DIMT1: variants seen among roughly 807,000 people sequenced by gnomAD.
DIMT1 encodes the protein dimethyladenosine transferase.
In DIMT1, 36 loss-of-function variants were observed where a neutral mutation model predicts 43.2. The observed-to-expected ratio is 0.83, with a 90% CI of 0.64 to 1.10. DIMT1 has a LOEUF of 1.10. Among genes scored for constraint, DIMT1 ranks in the 50% least tolerant of loss-of-function variants. DIMT1 has a pLI of 0.00. For synonymous variants in DIMT1, 126 were observed against 130.3 expected (o/e 0.97, Z 0.22); for missense variants, 341 against 385.3 (o/e 0.88, Z 0.96).
intron 6 of DIMT1, chr5:62,398,283 A>C (rs1580127560): frequency 4.0e-6 from 2 of 497,564 alleles, no homozygotes; most frequent in African/African-American, 3.9e-5. Flanking sequence ...AACGGCAGGA[A>C]GATTCAAAAA....
rs985855515 is a variant in DIMT1 at position 62,400,698 on chromosome 5, A to T, written c.240+1338T>A. ...AGCTCCTGGCCCTACTTCTATATAGACCCTGTTTACATGGTAAACAATGTG... is the reference window on the plus strand; with the variant it reads ...AGCTCCTGGCCCTACTTCTATATAGTCCCTGTTTACATGGTAAACAATGTG... On this transcript the variant is annotated intron_variant, in intron 3 of 11. Transcript: ENST00000199320. Among the ~76,000 whole-genome samples the T allele has an allele frequency of 1.3e-5, 2 of 151,540 alleles. 1 individual carries two copies. Among genetic ancestry groups the T allele is most frequent in the African/African-American group, 4.9e-5 (2 of 41,168 alleles).
intron 9 of DIMT1, 114 bp from the exon 10 acceptor site, chr5:62,392,348 T>G (rs552372560): frequency 7.5e-5 from 58 of 778,076 alleles, no homozygotes; most frequent in East Asian, 7.4e-4. Flanking sequence ...AATTTCATTT[T>G]AGATGAAATT....
At chr5:62,392,143 G>A in intron 10 of DIMT1, 28 bp downstream of exon 10, 1 of 1,597,670 alleles carries the variant, frequency 6.3e-7, no homozygotes, top group Non-Finnish European at 8.5e-7. Context: ...ACAAATCAAT[G>A]AAACTGCAGG....
chr5:62,391,634 T>C, intron 10 of DIMT1: 1 of 1,027,322 alleles, frequency 9.7e-7, no homozygotes, highest in South Asian at 3.9e-5. Context: ...CTGTTCTAAT[T>C]AAACTGGAAG....
Position 62,396,139 on chromosome 5 carries a change from G to GTTTTTTTTTTTTTTTTTTTTT in DIMT1, c.447-1533_447-1532insAAAAAAAAAAAAAAAAAAAAA, listed in dbSNP as rs758847833. 1.7e-3 allele frequency among the ~76,000 whole-genome samples: 197 copies of GTTTTTTTTTTTTTTTTTTTTT among 116,730 alleles called. 19 individuals are homozygous for GTTTTTTTTTTTTTTTTTTTTT. Among genetic ancestry groups the GTTTTTTTTTTTTTTTTTTTTT allele is most frequent in the East Asian group, 3.1e-3 (11 of 3,558 alleles). 76.6% of individuals were successfully genotyped at this position (116,730 alleles called of 152,430 possible). A position where few individuals can be genotyped will look rare whatever the true frequency, so the allele number is the denominator to read the frequency against. On this transcript the variant is annotated intron_variant, in intron 6 of 11. Transcript: ENST00000199320. ...GGGGAATTTAGCCATGTCACTGCAG[G>GTTTTTTTTTTTTTTTTTTTTT]TTTTTTTTTTTTACATTATTAACTG...
Position 62,392,918 on chromosome 5 carries a change from ATACT to A in DIMT1, c.728+4_728+7del, listed in dbSNP as rs1212028632. 6 of 1,597,330 alleles carry A rather than the reference ATACT, an allele frequency of 3.8e-6. No individual in the cohort carries two copies. Among genetic ancestry groups the A allele is most frequent in the African/African-American group, 2.7e-5 (2 of 74,584 alleles). ...CCTTTATACATTAGAAATTAGTGTA[ATACT>A]TACTTAAATGCAGCAGAGAGTGTCT... On this transcript the variant is annotated splice_donor_5th_base_variant and intron_variant, in intron 9 of 11. Coordinates refer to ENST00000199320, the MANE Select transcript of DIMT1 (RefSeq NM_014473.4).
intron 3 of DIMT1, among the ~76,000 whole-genome samples, chr5:62,400,931 TG>T (rs1467895500): frequency 6.6e-6 from 1 of 151,506 alleles, no homozygotes; most frequent in Non-Finnish European, 1.5e-5. Flanking sequence ...GCCAATTTTT[TG>T]TAGAGATGGG....
At chr5:62,389,411 A>G (rs1286611947) in intron 11 of DIMT1, among the ~76,000 whole-genome samples, 1 of 144,808 alleles carries the variant, frequency 6.9e-6, no homozygotes, top group Non-Finnish European at 1.5e-5. Flanking sequence ...GCCTGAACCC[A>G]GGAGGCGGAG....
intron 3 of DIMT1, among the ~76,000 whole-genome samples, chr5:62,399,692 T>A (rs571987298): frequency 3.6e-4 from 50 of 140,478 alleles, no homozygotes; most frequent in African/African-American, 1.3e-3. Flanking sequence ...GGATCATGAG[T>A]TCAGGAGACT....
intron 9 of DIMT1, chr5:62,392,692 T>C (rs2112037677): frequency 2.3e-6 from 1 of 426,932 alleles, no homozygotes; most frequent in East Asian, 3.9e-5. Context: ...GGTCAGAGTT[T>C]GGGAGTGTTT....
At chr5:62,392,307 T>C in intron 9 of DIMT1, 73 bp from the exon 10 acceptor site, 1 of 1,203,490 alleles carries the variant, frequency 8.3e-7, no homozygotes, top group Non-Finnish European at 1.2e-6. Flanking sequence ...TTAAACTTTT[T>C]TTTAACTAAT....
In DIMT1 at chr5:62,387,366, A is replaced by G. The variant is rs900255977; in HGVS notation, c.*1644T>C. 1.3e-5 allele frequency: 2 copies of G among 152,228 alleles called. No individual in the cohort carries two copies. The highest frequency in any genetic ancestry group is 4.8e-5 in the African/African-American group (2 of 41,454). The allele number at this position is 152,228 out of a possible 1,614,324, so 9.4% of individuals were successfully genotyped here. A position where few individuals can be genotyped will look rare whatever the true frequency, so the allele number is the denominator to read the frequency against. ...TAGTTTTTGAGATTAACCAACTTTC[A>G]AAGGGCAATAAAGACATGTGAATTT... On this transcript the variant is annotated 3_prime_UTR_variant, in exon 12 of 12. Coordinates refer to ENST00000199320, the MANE Select transcript of DIMT1 (RefSeq NM_014473.4).
chr5:62,388,895 C>T lies in DIMT1; in HGVS notation c.*115G>A. On this transcript the variant is annotated 3_prime_UTR_variant, in exon 12 of 12. Transcript: ENST00000199320. ...GGTGACAACAGTAGTAGTATTGAAC[C>T]AAAAATAGTCAAGTAAATAATGTCT... 1 of 1,008,388 alleles carries T rather than the reference C, an allele frequency of 9.9e-7. No individual in the cohort carries two copies. The highest frequency in any genetic ancestry group is 1.5e-6 in the Non-Finnish European group (1 of 672,436). The allele number at this position is 1,008,388 out of a possible 1,614,324, so 62.5% of individuals were successfully genotyped here.
chr5:62,393,031 C>T, intron 8 of DIMT1, 41 bp from the exon 9 acceptor site: 6 of 1,437,328 alleles, frequency 4.2e-6, no homozygotes, highest in Non-Finnish European at 5.9e-6. Flanking sequence ...TTACAAACTT[C>T]TTGTTCTTGT....
intron 6 of DIMT1, among the ~76,000 whole-genome samples, chr5:62,395,000 T>C (rs1204725610): frequency 6.6e-6 from 1 of 151,784 alleles, no homozygotes; most frequent in Non-Finnish European, 1.5e-5. Context: ...AATGTTTCCT[T>C]GATTTGACGG....
intron 2 of DIMT1, 120 bp from the exon 3 acceptor site, chr5:62,402,242 T>G: frequency 1.0e-6 from 1 of 961,898 alleles, no homozygotes; most frequent in Non-Finnish European, 1.6e-6. Flanking sequence ...GACTCCATTT[T>G]TAGATTTCTT....
rs148340242 is a variant in DIMT1 at position 62,403,635 on chromosome 5, C to T, written c.79+59G>A. The T allele has an allele frequency of 8.3e-4, 1,287 of 1,547,952 alleles. 8 individuals carry two copies. In the African/African-American group the frequency reaches 0.016, roughly 19 times the overall value. ...ATCAGGTCTTGGTCCGCACCCCAGGCTAGGTCCTGCCGGAAGACCTGACCC... is the reference window on the plus strand; with the variant it reads ...ATCAGGTCTTGGTCCGCACCCCAGGTTAGGTCCTGCCGGAAGACCTGACCC... On this transcript the variant is annotated intron_variant, in intron 1 of 11. Transcript: ENST00000199320.
chr5:62,393,152 G>A (rs1046660700), intron 8 of DIMT1, among the ~76,000 whole-genome samples, 162 bp from the exon 9 acceptor site: 16 of 152,130 alleles, frequency 1.1e-4, no homozygotes. Flanking sequence ...ACATGCAAAA[G>A]TAAGACATAC....
chr5:62,398,464 G>A lies in DIMT1; in HGVS notation c.446+47C>T, dbSNP rs1327262918. The A allele has an allele frequency of 1.6e-5, 25 of 1,594,246 alleles. No individual in the cohort carries two copies. In the East Asian group the frequency reaches 4.3e-4, roughly 27 times the overall value. On this transcript the variant is annotated intron_variant, in intron 6 of 11. Transcript: ENST00000199320. ...TTTGGCTATGTTCACCACCTGAACT[G>A]TAAGTCTTTCAAAATTTGGCAGTAA...
Sources: allele counts gnomAD v4.1 joint callset (sites outside exome capture counted in the v4.1 genomes callset), GRCh38; gene constraint gnomAD v4.1.1; transcripts MANE v1.5; gene names NCBI Gene and HGNC (gene_info 2026-07-23, HGNC 2026-07-21).